The following RFFL variants were observed in gnomAD, a reference collection of about 807,000 sequenced individuals.
The protein encoded by RFFL is ring finger and FYVE like domain containing E3 ubiquitin protein ligase, also known as E3 ubiquitin-protein ligase rififylin.
Under a neutral mutation model 40.4 loss-of-function variants are expected in RFFL, and 16 were observed. The observed-to-expected ratio is 0.40, with a 90% CI of 0.27 to 0.60. The LOEUF (loss-of-function observed/expected upper bound fraction) is 0.60, where lower values mean the gene tolerates loss of function less well. Among genes scored for constraint, RFFL ranks in the 20% least tolerant of loss-of-function variants. RFFL has a pLI of 0.47. For synonymous variants in RFFL, 154 were observed against 167.9 expected (o/e 0.92, Z 0.64); for missense variants, 367 against 451.7 (o/e 0.81, Z 1.70).
chr17:35,054,624 T>G (rs1213344326), intron 1 of RFFL, among the ~76,000 whole-genome samples: 1 of 150,128 alleles, frequency 6.7e-6, no homozygotes, highest in Non-Finnish European at 1.5e-5. Flanking sequence ...TGCTAACAAA[T>G]TCATACAGCT....
At chr17:35,024,735 G>T (rs2091030645) in intron 2 of RFFL, among the ~76,000 whole-genome samples, 2 of 152,190 alleles carry the variant, frequency 1.3e-5, no homozygotes, top group South Asian at 4.1e-4. Context: ...TTCAATTCAA[G>T]CACTTCTAGA....
rs573408129 is a variant in RFFL at position 35,034,130 on chromosome 17, G to A, written c.-8-7569C>T. The stretch of plus-strand genomic sequence containing the variant: ...TGTACTCCAGTCTGGGTGACAGAGC[G>A]AGACTCTGTCTCAAAAAAATAAAAA... On this transcript the variant is annotated intron_variant, in intron 1 of 6. Coordinates refer to ENST00000394597, the MANE Select transcript of RFFL (RefSeq NM_001017368.2). 1.2e-3 allele frequency among the ~76,000 whole-genome samples: 183 copies of A among 151,738 alleles called. 1 individual carries two copies. The highest frequency in any genetic ancestry group is 4.3e-3 in the African/African-American group (176 of 41,358).
At position 35,021,701 on chromosome 17, in the gene RFFL, G is replaced by C; in HGVS notation, c.261C>G (p.Leu87=). ...AGGCTGTAGCTCGAAACCGTTGGCA[G>C]AGAAGGCAGAGGCGGGGCCCATTCC... ...QVGNGPRLCL[L]CQRFRATAFQ... is the part of the protein sequence containing the mutation. Residue 87 remains leucine, a synonymous_variant, in exon 3 of 7, where the codon CTC becomes CTG. Coordinates refer to ENST00000394597, the MANE Select transcript of RFFL (RefSeq NM_001017368.2). 17 of 1,614,262 alleles carry C rather than the reference G, an allele frequency of 1.1e-5. No homozygotes were observed. The highest frequency in any genetic ancestry group is 1.4e-5 in the Non-Finnish European group (17 of 1,180,048).
At chr17:35,028,498 A>G (rs547733545) in intron 1 of RFFL, among the ~76,000 whole-genome samples, 1 of 152,176 alleles carries the variant, frequency 6.6e-6, no homozygotes, top group African/African-American at 2.4e-5. Flanking sequence ...AAGAGGGCCC[A>G]CTCAAATGCC....
Position 35,011,967 on chromosome 17 carries a change from C to A in RFFL, c.*1G>T, listed in dbSNP as rs1287121360. The A allele has an allele frequency of 1.2e-6, 2 of 1,613,742 alleles. No individual in the cohort carries two copies. Among genetic ancestry groups the A allele is most frequent in the Admixed American group, 1.7e-5 (1 of 59,998 alleles). On this transcript the variant is annotated 3_prime_UTR_variant, in exon 7 of 7. Coordinates refer to ENST00000394597, the MANE Select transcript of RFFL (RefSeq NM_001017368.2). ...GGCACTGAAGAAACCGATGCAAGCT[C>A]TCAGGACCGGAAGACATGCACAGCT... is the stretch of plus-strand genomic sequence containing the variant.
chr17:35,048,569 A>G (rs749667169), intron 1 of RFFL, among the ~76,000 whole-genome samples: 4 of 152,150 alleles, frequency 2.6e-5, no homozygotes, highest in Non-Finnish European at 4.4e-5. Flanking sequence ...AGAGGTGGTC[A>G]GAGTGGTTTA....
At chr17:35,051,040 A>C (rs546139245) in intron 1 of RFFL, among the ~76,000 whole-genome samples, 1 of 152,306 alleles carries the variant, frequency 6.6e-6, no homozygotes, top group Admixed American at 6.5e-5. Context: ...ATTGTTATTT[A>C]AAAAAATAGC....
At chr17:35,050,756 T>C (rs1462146620) in intron 1 of RFFL, among the ~76,000 whole-genome samples, 2 of 152,036 alleles carry the variant, frequency 1.3e-5, no homozygotes, top group Admixed American at 6.5e-5. Flanking sequence ...GCAGATCACC[T>C]GAGGTCAGGA....
chr17:35,060,462 C>T (rs1346012014), intron 1 of RFFL, among the ~76,000 whole-genome samples: 4 of 152,182 alleles, frequency 2.6e-5, no homozygotes, highest in African/African-American at 9.7e-5. Flanking sequence ...CTCTCTGAGT[C>T]TTACCTAAAT....
chr17:35,078,225 T>C (rs1412354581), intron 1 of RFFL, among the ~76,000 whole-genome samples: 1 of 152,124 alleles, frequency 6.6e-6, no homozygotes, highest in Non-Finnish European at 1.5e-5. Flanking sequence ...AGTAAACATA[T>C]AACCTTACTA....
intron 1 of RFFL, among the ~76,000 whole-genome samples, chr17:35,056,559 T>G (rs1255398376): frequency 6.6e-6 from 1 of 151,992 alleles, no homozygotes; most frequent in Non-Finnish European, 1.5e-5. Context: ...GTATTTTTAG[T>G]AGAGACGGGA....
At chr17:35,082,400 G>A (rs544160995) in intron 1 of RFFL, among the ~76,000 whole-genome samples, 5 of 152,310 alleles carry the variant, frequency 3.3e-5, no homozygotes, top group Non-Finnish European at 5.9e-5. Flanking sequence ...CTGGGCTACC[G>A]TCCAAATACA....
chr17:35,072,049 G>A (rs1462498156), intron 1 of RFFL, among the ~76,000 whole-genome samples: 6 of 152,046 alleles, frequency 3.9e-5, no homozygotes, highest in Non-Finnish European at 8.8e-5. Context: ...GGGAGGCTGA[G>A]GCGGACAAAT....
chr17:35,044,474 A>G (rs2091185525), intron 1 of RFFL, among the ~76,000 whole-genome samples: 1 of 152,154 alleles, frequency 6.6e-6, no homozygotes, highest in African/African-American at 2.4e-5. Flanking sequence ...AAAATTAGCC[A>G]GGCATGGTGA....
At position 35,021,498 on chromosome 17, in the gene RFFL, A is replaced by C. The variant is rs1416226572; in HGVS notation, c.464T>G (p.Phe155Cys). ...GGTCAGGAAGGCCTGCTGCTCAGGAAAGTCTGGGGACAAGGTGGAGGCACG... is the reference window on the plus strand; with the variant it reads ...GGTCAGGAAGGCCTGCTGCTCAGGACAGTCTGGGGACAAGGTGGAGGCACG... ...RTRASTLSPD[F>C]PEQQAFLTQP... Residue 155 changes from phenylalanine (F) to cysteine (C), a missense_variant, in exon 3 of 7, where the codon TTT becomes TGT. Physicochemically the swap from Phe to Cys is radical, Grantham distance 205. Transcript: ENST00000394597. 1 of 1,598,714 alleles carries C rather than the reference A, an allele frequency of 6.3e-7. No individual in the cohort carries two copies. Among genetic ancestry groups the C allele is most frequent in the Admixed American group, 1.7e-5 (1 of 58,122 alleles).
intron 1 of RFFL, among the ~76,000 whole-genome samples, chr17:35,072,107 C>A (rs1388920554): frequency 6.6e-6 from 1 of 151,596 alleles, no homozygotes; most frequent in African/African-American, 2.4e-5. Context: ...ATGGTGAAAC[C>A]CTGTCTATAA....
intron 1 of RFFL, among the ~76,000 whole-genome samples, chr17:35,075,625 C>T (rs938751880): frequency 2.0e-5 from 3 of 152,194 alleles, no homozygotes; most frequent in Non-Finnish European, 2.9e-5. Context: ...AAAATAACAG[C>T]TCCAATAATC....
At chr17:35,077,701 T>C (rs540841681) in intron 1 of RFFL, among the ~76,000 whole-genome samples, 11 of 152,370 alleles carry the variant, frequency 7.2e-5, no homozygotes, top group African/African-American at 2.6e-4. Flanking sequence ...GGAGGCACCC[T>C]GGCATAATCC....
At chr17:35,030,715 G>T (rs2142332830) in intron 1 of RFFL, among the ~76,000 whole-genome samples, 1 of 152,102 alleles carries the variant, frequency 6.6e-6, no homozygotes, top group Non-Finnish European at 1.5e-5. Flanking sequence ...CATTACAGTT[G>T]TGAGCCACCA....
Sources: gnomAD v4.1 joint callset for allele counts (sites outside exome capture counted in the v4.1 genomes callset) on GRCh38, gnomAD v4.1.1 for gene constraint, MANE v1.5 for transcripts, NCBI Gene and HGNC (gene_info 2026-07-23, HGNC 2026-07-21) for gene names.